Variants in SORCS1 observed in about 807,000 individuals in gnomAD.
SORCS1 encodes sortilin related VPS10 domain containing receptor 1, also known as VPS10 domain-containing receptor SorCS1.
A neutral mutation model predicts 146.1 loss-of-function variants in SORCS1; 60 were observed. That is an observed-to-expected ratio of 0.41 (90% CI 0.33 to 0.51). The LOEUF is 0.51. Among genes scored for constraint, SORCS1 ranks in the 20% least tolerant of loss-of-function variants. The pLI is 0.21. For synonymous variants in SORCS1, 637 were observed against 584.0 expected (o/e 1.09, Z -1.31); for missense variants, 1,352 against 1,487.6 (o/e 0.91, Z 1.50).
intron 2 of SORCS1, among the ~76,000 whole-genome samples, chr10:106,836,453 C>A (rs1039077743): frequency 7.8e-6 from 1 of 127,592 alleles, no homozygotes; most frequent in Non-Finnish European, 1.6e-5. Context: ...CCAGCCTGGG[C>A]GATAGAGCGA....
At chr10:106,902,333 C>A (rs1951741051) in intron 2 of SORCS1, among the ~76,000 whole-genome samples, 1 of 152,066 alleles carries the variant, frequency 6.6e-6, no homozygotes, top group Non-Finnish European at 1.5e-5. Flanking sequence ...TATATACTTA[C>A]ATACAACAAA....
At chr10:107,005,807 A>G (rs922795201) in intron 1 of SORCS1, among the ~76,000 whole-genome samples, 2 of 152,240 alleles carry the variant, frequency 1.3e-5, no homozygotes, top group Non-Finnish European at 2.9e-5. Context: ...TGATATTAAA[A>G]TTATATGAAG....
intron 1 of SORCS1, among the ~76,000 whole-genome samples, chr10:106,989,642 C>T (rs1241302081): frequency 6.8e-6 from 1 of 147,300 alleles, no homozygotes; most frequent in Non-Finnish European, 1.5e-5. Flanking sequence ...CAAAGCAGAA[C>T]TTCTCTTTAT....
At chr10:106,608,459 T>G (rs1846755701) in intron 22 of SORCS1, among the ~76,000 whole-genome samples, 1 of 152,226 alleles carries the variant, frequency 6.6e-6, no homozygotes, top group Non-Finnish European at 1.5e-5. Context: ...CATTTTTTTT[T>G]GAAGTAGCAA....
chr10:107,165,798 G>A (rs753877953), upstream of SORCS1, among the ~76,000 whole-genome samples: 2 of 152,088 alleles, frequency 1.3e-5, no homozygotes, highest in African/African-American at 2.4e-5. This position sits in a 1 kb window ranked among gnomAD's most constrained non-coding sequence, Gnocchi z 4.0. Flanking sequence ...GTTTGCTTTG[G>A]GACCTCAGAC....
intron 1 of SORCS1, among the ~76,000 whole-genome samples, chr10:107,157,775 G>A (rs1389149388): frequency 1.3e-5 from 2 of 151,964 alleles, no homozygotes; most frequent in Admixed American, 6.6e-5. Flanking sequence ...CCGTACAATC[G>A]GAGCAGAGTT....
rs570675552 is a variant in SORCS1 at position 107,064,504 on chromosome 10, G to A, written c.558+99465C>T. ...ATAACCAGTAAAGTGACTGCTCTGC[G>A]AAGCCTTTTCTCCAGTCTGCTTCCC... On this transcript the variant is annotated intron_variant, in intron 1 of 25. Coordinates refer to ENST00000263054, the MANE Select transcript of SORCS1 (RefSeq NM_052918.5). Among the ~76,000 whole-genome samples, 9 of 152,180 alleles carry A rather than the reference G, an allele frequency of 5.9e-5. No homozygotes were observed. The South Asian group carries it at 8.3e-4, about 14-fold the overall frequency.
At chr10:106,888,646 T>G (rs1355724396) in intron 2 of SORCS1, among the ~76,000 whole-genome samples, 1 of 152,202 alleles carries the variant, frequency 6.6e-6, no homozygotes, top group African/African-American at 2.4e-5. Flanking sequence ...CGTGACCAAT[T>G]TAAGTGTCAC....
intron 3 of SORCS1, among the ~76,000 whole-genome samples, chr10:106,777,789 T>C (rs17121496): frequency 0.047 from 7,164 of 152,262 alleles, 274 homozygotes; most frequent in East Asian, 0.11. Context: ...GGGTCTTTCA[T>C]TCAAAGTGTG....
chr10:107,138,013 A>G (rs1429139518), intron 1 of SORCS1, among the ~76,000 whole-genome samples: 2 of 152,202 alleles, frequency 1.3e-5, no homozygotes, highest in African/African-American at 4.8e-5. Context: ...TAAGCCTTCT[A>G]TATGTGTTAA....
At chr10:107,003,271 A>C (rs886785680) in intron 1 of SORCS1, among the ~76,000 whole-genome samples, 3 of 152,142 alleles carry the variant, frequency 2.0e-5, no homozygotes, top group African/African-American at 4.8e-5. Context: ...GAAAAAAAAA[A>C]GTTGTTCTAC....
intron 9 of SORCS1, 68 bp from the exon 10 acceptor site, chr10:106,688,406 A>G: frequency 6.4e-7 from 1 of 1,552,660 alleles, no homozygotes; most frequent in Non-Finnish European, 8.7e-7. Context: ...TACTTTTTAA[A>G]AAAAGAAGGC....
chr10:107,133,236 T>G (rs1381436964), intron 1 of SORCS1, among the ~76,000 whole-genome samples: 1 of 152,146 alleles, frequency 6.6e-6, no homozygotes, highest in African/African-American at 2.4e-5. Flanking sequence ...GAACGAAGGT[T>G]GTCTTTTTGG....
chr10:106,825,130 T>G (rs1213587023), intron 3 of SORCS1, among the ~76,000 whole-genome samples: 1 of 152,078 alleles, frequency 6.6e-6, no homozygotes, highest in Non-Finnish European at 1.5e-5. Flanking sequence ...ACGATCCTTG[T>G]GAAGGGAGAA....
chr10:106,641,795 AT>A (rs1399196204), intron 18 of SORCS1, among the ~76,000 whole-genome samples: 1 of 152,038 alleles, frequency 6.6e-6, no homozygotes, highest in Non-Finnish European at 1.5e-5. Flanking sequence ...TTGCATTATA[AT>A]TTATTATATT....
chr10:106,632,876 C>G (rs1227597675), intron 18 of SORCS1, among the ~76,000 whole-genome samples: 2 of 151,990 alleles, frequency 1.3e-5, no homozygotes, highest in Non-Finnish European at 2.9e-5. Context: ...CTCAGAAGAC[C>G]TGAAAGAAGA....
intron 3 of SORCS1, among the ~76,000 whole-genome samples, chr10:106,777,409 C>T (rs566148031): frequency 2.0e-4 from 31 of 152,252 alleles, no homozygotes; most frequent in Non-Finnish European, 3.4e-4. Flanking sequence ...AGACTAAGGT[C>T]CAGTATGCAT....
intron 1 of SORCS1, among the ~76,000 whole-genome samples, chr10:106,975,361 T>C (rs755834194): frequency 6.6e-6 from 1 of 152,234 alleles, no homozygotes; most frequent in Non-Finnish European, 1.5e-5. Context: ...ACGCTTCTCA[T>C]CACCTTAACC....
chr10:107,070,183 C>A (rs1962293857), intron 1 of SORCS1, among the ~76,000 whole-genome samples: 1 of 152,094 alleles, frequency 6.6e-6, no homozygotes, highest in Non-Finnish European at 1.5e-5. Flanking sequence ...TGAGTAATAT[C>A]CCATTATCAG....
Sources: gnomAD v4.1 joint callset for allele counts (sites outside exome capture counted in the v4.1 genomes callset) on GRCh38, gnomAD v4.1.1 for gene constraint, Gnocchi (gnomAD v3.1) non-coding constraint, MANE v1.5 for transcripts, NCBI Gene and HGNC (gene_info 2026-07-23, HGNC 2026-07-21) for gene names.